Variants in ATF6 observed in about 807,000 individuals in gnomAD.
The protein encoded by ATF6 is activating transcription factor 6.
A neutral mutation model predicts 83.6 loss-of-function variants in ATF6; 53 were observed. The observed-to-expected ratio is 0.63, with a 90% CI of 0.51 to 0.80. The LOEUF (loss-of-function observed/expected upper bound fraction) is 0.80, where lower values mean the gene tolerates loss of function less well. ATF6 is among the 30% of genes least tolerant of loss of function. ATF6 has a pLI of 0.00. For synonymous variants in ATF6, 288 were observed against 285.8 expected (o/e 1.01, Z -0.08); for missense variants, 744 against 797.9 (o/e 0.93, Z 0.81).
chr1:161,831,979 A>G (rs1032513949), intron 9 of ATF6, among the ~76,000 whole-genome samples: 2 of 151,950 alleles, frequency 1.3e-5, no homozygotes, highest in Non-Finnish European at 2.9e-5. Flanking sequence ...TTCCAGAGAT[A>G]CAGAGCCAGT....
chr1:161,891,989 G>A (rs772464582), intron 14 of ATF6: 11 of 152,180 alleles, frequency 7.2e-5, no homozygotes, highest in Non-Finnish European at 1.5e-5. Flanking sequence ...GGTTTTAGGG[G>A]CTACTTAAAA....
intron 9 of ATF6, among the ~76,000 whole-genome samples, chr1:161,828,296 T>A (rs1199955500): frequency 1.3e-5 from 2 of 152,042 alleles, no homozygotes; most frequent in Non-Finnish European, 2.9e-5. Flanking sequence ...AATGATGGAT[T>A]GAAAAAATAA....
chr1:161,784,816 G>A lies in ATF6; in HGVS notation c.354+720G>A, dbSNP rs541348195. 1.3e-3 allele frequency among the ~76,000 whole-genome samples: 191 copies of A among 152,238 alleles called. 2 individuals carry two copies. The highest frequency in any genetic ancestry group is 1.4e-3 in the Non-Finnish European group (95 of 68,022). On this transcript the variant is annotated intron_variant, in intron 4 of 15. Coordinates refer to ENST00000367942, the MANE Select transcript of ATF6 (RefSeq NM_007348.4). Reference sequence around the variant, plus strand: ...GGATTTATCTTTTCTGCCCCTGCCAGGCCATCACTATCTCACCTGGATTAA... The same window carrying A: ...GGATTTATCTTTTCTGCCCCTGCCAAGCCATCACTATCTCACCTGGATTAA...
chr1:161,860,169 G>T, intron 12 of ATF6, 38 bp from the exon 13 acceptor site: 2 of 1,427,814 alleles, frequency 1.4e-6, no homozygotes, highest in Non-Finnish European at 1.9e-6. Flanking sequence ...ATAATTTTGT[G>T]ATACAGTATT....
At chr1:161,878,810 TGACAA>T (rs1687269988) in intron 14 of ATF6, among the ~76,000 whole-genome samples, 2 of 152,138 alleles carry the variant, frequency 1.3e-5, no homozygotes, top group South Asian at 4.1e-4. Flanking sequence ...CTGATACACT[TGACAA>T]GAGCCTTTTA....
intron 14 of ATF6, among the ~76,000 whole-genome samples, chr1:161,898,739 G>C (rs1298999947): frequency 1.3e-5 from 2 of 151,926 alleles, no homozygotes; most frequent in Non-Finnish European, 2.9e-5. Context: ...GTAGAGACAG[G>C]GTTTTACCAC....
intron 15 of ATF6, among the ~76,000 whole-genome samples, chr1:161,931,463 ACTT>A (rs1688431443): frequency 6.6e-6 from 1 of 152,098 alleles, no homozygotes; most frequent in African/African-American, 2.4e-5. Flanking sequence ...CCTTTTTTAT[ACTT>A]CTTTTTTCTA....
intron 14 of ATF6, among the ~76,000 whole-genome samples, chr1:161,870,502 T>A (rs1687099799): frequency 6.6e-6 from 1 of 151,772 alleles, no homozygotes; most frequent in African/African-American, 2.4e-5. Context: ...GAGCTTCTCA[T>A]AGAAAAGAGT....
intron 9 of ATF6, among the ~76,000 whole-genome samples, chr1:161,836,845 C>A (rs1571176173): frequency 6.6e-6 from 1 of 152,158 alleles, no homozygotes; most frequent in South Asian, 2.1e-4. Flanking sequence ...AACCAGAAAC[C>A]TACATCCCTT....
intron 3 of ATF6, among the ~76,000 whole-genome samples, 197 bp from the exon 4 acceptor site, chr1:161,783,793 A>G (rs1684687829): frequency 6.6e-6 from 1 of 151,726 alleles, no homozygotes; most frequent in Admixed American, 6.6e-5. Flanking sequence ...CCCCACATAT[A>G]TATATAATTT....
chr1:161,850,809 T>A (rs969415004), intron 10 of ATF6, among the ~76,000 whole-genome samples: 5 of 152,142 alleles, frequency 3.3e-5, no homozygotes, highest in Non-Finnish European at 5.9e-5. Context: ...ATAAAGAAAT[T>A]CAAGAGAGAT....
intron 9 of ATF6, among the ~76,000 whole-genome samples, chr1:161,838,507 G>A (rs1686276554): frequency 6.6e-6 from 1 of 152,150 alleles, no homozygotes; most frequent in South Asian, 2.1e-4. Flanking sequence ...CTTTCAGATT[G>A]GCTCATTCAC....
At chr1:161,794,047 C>T (rs900070690) in intron 6 of ATF6, among the ~76,000 whole-genome samples, 5 of 152,148 alleles carry the variant, frequency 3.3e-5, no homozygotes, top group African/African-American at 1.2e-4. Flanking sequence ...GCTGGGACTA[C>T]AGGCACGTGC....
chr1:161,932,316 G>T (rs1247866194), intron 15 of ATF6, among the ~76,000 whole-genome samples: 4 of 151,968 alleles, frequency 2.6e-5, no homozygotes, highest in African/African-American at 9.7e-5. Context: ...ACAATCCCTA[G>T]ATTTTTTCAG....
intron 15 of ATF6, among the ~76,000 whole-genome samples, chr1:161,925,157 C>T (rs980025748): frequency 1.3e-5 from 2 of 152,168 alleles, no homozygotes; most frequent in African/African-American, 2.4e-5. Flanking sequence ...ATTCTTGTGA[C>T]CTGGGTTCAT....
At chr1:161,898,763 G>A (rs569798481) in intron 14 of ATF6, among the ~76,000 whole-genome samples, 48 of 152,188 alleles carry the variant, frequency 3.2e-4, no homozygotes, top group African/African-American at 1.2e-3. Context: ...GGCCAGACCG[G>A]TCTTGAACTC....
At chr1:161,767,434 T>C (rs1684290433) in intron 1 of ATF6, among the ~76,000 whole-genome samples, 1 of 152,192 alleles carries the variant, frequency 6.6e-6, no homozygotes, top group African/African-American at 2.4e-5. Flanking sequence ...TTTTTAAGAG[T>C]TGCTGGAAAA....
At chr1:161,842,461 C>T (rs1686379371) in intron 9 of ATF6, among the ~76,000 whole-genome samples, 3 of 152,150 alleles carry the variant, frequency 2.0e-5, no homozygotes. Context: ...GTGGAACCAA[C>T]CCAAATGCCC....
At chr1:161,932,173 A>G (rs1299354574) in intron 15 of ATF6, among the ~76,000 whole-genome samples, 1 of 152,206 alleles carries the variant, frequency 6.6e-6, no homozygotes, top group African/African-American at 2.4e-5. Flanking sequence ...AAAAAGTGCT[A>G]ATAAATGGTC....
Sources: allele counts gnomAD v4.1 joint callset (sites outside exome capture counted in the v4.1 genomes callset), GRCh38; gene constraint gnomAD v4.1.1; transcripts MANE v1.5; gene names NCBI Gene and HGNC (gene_info 2026-07-23, HGNC 2026-07-21).